Variants in ERICH1 observed in about 807,000 individuals in gnomAD.
ERICH1 encodes the protein glutamate-rich protein 1.
Under a neutral mutation model 39.6 loss-of-function variants are expected in ERICH1, and 56 were observed. The ratio of observed to expected loss-of-function variants is 1.41; its 90% confidence interval spans 1.14 to 1.77. The LOEUF (loss-of-function observed/expected upper bound fraction) is 1.77, where lower values mean the gene tolerates loss of function less well. Among genes scored for constraint, ERICH1 ranks in the 40% most tolerant of loss-of-function variants. The pLI, the probability that ERICH1 is intolerant of heterozygous loss-of-function variation, is 0.00. For missense variants in ERICH1, 826 were observed against 575.4 expected, an observed-to-expected ratio of 1.44 and a Z score of -4.45; for synonymous variants, 313 against 223.6, an observed-to-expected ratio of 1.40 and a Z score of -3.57.
chr8:693,704 C>T (rs1330863013), intron 2 of ERICH1, among the ~76,000 whole-genome samples: 2 of 152,026 alleles, frequency 1.3e-5, no homozygotes, highest in African/African-American at 4.8e-5. Context: ...GAAGTCATCA[C>T]CACCGTGGAC....
Position 673,749 on chromosome 8 carries a change from G to T in ERICH1, c.603C>A (p.Gly201=). Residue 201 remains glycine (G), a synonymous_variant, in exon 4 of 6, where the codon GGC becomes GGA. Transcript: ENST00000262109. Reference sequence around the variant, plus strand: ...CATCCTCCTCACAAGCCTCTCCCACGCCTTCCCCTTCATTGCTGCTGTCCT... The same window carrying T: ...CATCCTCCTCACAAGCCTCTCCCACTCCTTCCCCTTCATTGCTGCTGTCCT... ...QPEDSSNEGE[G]VGEACEEDGV... 3 of 1,614,114 alleles carry T rather than the reference G, an allele frequency of 1.9e-6. No homozygotes were observed. The highest frequency in any genetic ancestry group is 1.6e-4 in the Middle Eastern group (1 of 6,062).
At chr8:624,088 G>A (rs1012915519) in intron 3 of ERICH1, among the ~76,000 whole-genome samples, 2 of 152,172 alleles carry the variant, frequency 1.3e-5, no homozygotes, top group Non-Finnish European at 2.9e-5. Flanking sequence ...TGAAGGATTT[G>A]AATAGACATG....
intron 3 of ERICH1, among the ~76,000 whole-genome samples, chr8:652,374 C>A (rs1669723): frequency 0.7 from 106,154 of 152,126 alleles, 37,639 homozygotes; most frequent in East Asian, 0.9. Flanking sequence ...AGGCTCGCAA[C>A]CAAATGCAGA....
chr8:655,479 T>C (rs771949107), intron 3 of ERICH1, among the ~76,000 whole-genome samples: 1 of 152,240 alleles, frequency 6.6e-6, no homozygotes, highest in Non-Finnish European at 1.5e-5. Flanking sequence ...TTCTGGACGA[T>C]GGTGCACCAG....
Position 636,338 on chromosome 8 carries a change from G to C in ERICH1, c.977-21054C>G, listed in dbSNP as rs557281062. On this transcript the variant is annotated intron_variant, in intron 3 of 3. Transcript: ENST00000522706. The stretch of plus-strand genomic sequence containing the variant: ...CCACAACCAGGGAGCCAAGGCCTCG[G>C]ATGTGTGGAAATCATTGATGGTTTC... Among the ~76,000 whole-genome samples, 6 of 152,354 alleles carry C rather than the reference G, an allele frequency of 3.9e-5. No individual in the cohort carries two copies. The South Asian group carries it at 8.3e-4, about 21-fold the overall frequency.
intron 2 of ERICH1, among the ~76,000 whole-genome samples, chr8:704,051 T>G (rs1258248433): frequency 6.6e-6 from 1 of 152,196 alleles, no homozygotes. Context: ...TGATGGCAAC[T>G]GCCTTCTCAC....
intron 2 of ERICH1, among the ~76,000 whole-genome samples, chr8:693,827 T>A (rs1809521210): frequency 6.6e-6 from 1 of 151,144 alleles, no homozygotes. Context: ...CGTCCCCTGC[T>A]GCACGCCCCT....
At chr8:629,707 C>T (rs1408362502) in intron 3 of ERICH1, among the ~76,000 whole-genome samples, 1 of 146,384 alleles carries the variant, frequency 6.8e-6, no homozygotes, top group Non-Finnish European at 1.5e-5. Flanking sequence ...TGACCACCCA[C>T]ACAGACAGAG....
At chr8:720,758 A>G (rs888927630) in intron 1 of ERICH1, among the ~76,000 whole-genome samples, 3 of 152,154 alleles carry the variant, frequency 2.0e-5, no homozygotes, top group African/African-American at 4.8e-5. Flanking sequence ...ATGAATCCCT[A>G]TGGCTGAAGG....
rs1271925478 is a variant in ERICH1, at chr8:650,821, AC to A, written c.976+17776del. The stretch of plus-strand genomic sequence containing the variant: ...AAAGCCAGAGCAAGGGGCTGCAGCC[AC>A]CGCAGGAGGCTTCAACGATTCATGG... On this transcript the variant is annotated intron_variant, in intron 3 of 3. Transcript: ENST00000522706. Among the ~76,000 whole-genome samples the A allele has an allele frequency of 2.0e-5, 3 of 152,370 alleles. No individual in the cohort carries two copies. In the East Asian group the frequency reaches 5.8e-4, roughly 29 times the overall value.
downstream of ERICH1, among the ~76,000 whole-genome samples, chr8:663,210 G>A (rs1045363164): frequency 6.6e-6 from 1 of 152,248 alleles, no homozygotes; most frequent in Admixed American, 6.5e-5. Context: ...GAGGGAAGTG[G>A]CAGGACAGGG....
At chr8:671,147 T>C (rs1344717071) in intron 4 of ERICH1, among the ~76,000 whole-genome samples, 2 of 147,312 alleles carry the variant, frequency 1.4e-5, no homozygotes, top group African/African-American at 5.1e-5. Flanking sequence ...CAGCCCCGGT[T>C]CTAATGTCTG....
downstream of ERICH1, among the ~76,000 whole-genome samples, chr8:661,749 G>A (rs560176910): frequency 3.5e-4 from 53 of 152,322 alleles, 1 homozygote; most frequent in African/African-American, 1.2e-3. Context: ...TACACAAAAC[G>A]AATTAACCCT....
At chr8:621,829 C>A (rs533706932) in intron 3 of ERICH1, among the ~76,000 whole-genome samples, 1 of 152,108 alleles carries the variant, frequency 6.6e-6, no homozygotes, top group Non-Finnish European at 1.5e-5. Context: ...TATGAGCCAA[C>A]AAAGTTAAAT....
At chr8:618,836 C>T (rs551853193) in intron 3 of ERICH1, among the ~76,000 whole-genome samples, 2 of 152,162 alleles carry the variant, frequency 1.3e-5, no homozygotes, top group African/African-American at 2.4e-5. Context: ...AACGCCTGAC[C>T]GAGTTGGAGA....
chr8:712,146 T>A (rs181893681), intron 2 of ERICH1, among the ~76,000 whole-genome samples: 15 of 152,346 alleles, frequency 9.8e-5, no homozygotes, highest in African/African-American at 3.1e-4. Flanking sequence ...TGCGTCTCCA[T>A]CTAAACTTTA....
At position 673,765 on chromosome 8, in the gene ERICH1, C is replaced by G; in HGVS notation, c.587G>C (p.Ser196Thr). Residue 196 changes from serine to threonine, a missense_variant, in exon 4 of 6, where the codon AGC (serine) becomes ACC (threonine). Ser to Thr is a moderately conservative substitution (Grantham distance 58). Coordinates refer to ENST00000262109, the MANE Select transcript of ERICH1 (RefSeq NM_207332.3). ...CTCTCCCACGCCTTCCCCTTCATTG[C>G]TGCTGTCCTCGGGCTGGTACATGAA... ...VSFMYQPEDS[S>T]NEGEGVGEAC... is the part of the protein sequence containing the mutation. 1 of 1,614,158 alleles carries G rather than the reference C, an allele frequency of 6.2e-7. No individual in the cohort carries two copies. Among genetic ancestry groups the G allele is most frequent in the Non-Finnish European group, 8.5e-7 (1 of 1,180,036 alleles).
chr8:726,323 G>A (rs1467369514), intron 1 of ERICH1, among the ~76,000 whole-genome samples: 3 of 151,832 alleles, frequency 2.0e-5, no homozygotes, highest in Non-Finnish European at 2.9e-5. Context: ...ACGCAGACAC[G>A]TGTATGCAGG....
At chr8:656,957 A>G in intron 3 of ERICH1, 1 of 634,034 alleles carries the variant, frequency 1.6e-6, no homozygotes. Context: ...TTTAGTGCAA[A>G]ATAATTTTTA....
Sources: allele counts gnomAD v4.1 joint callset (sites outside exome capture counted in the v4.1 genomes callset), GRCh38; gene constraint gnomAD v4.1.1; transcripts MANE v1.5; gene names NCBI Gene and HGNC (gene_info 2026-07-23, HGNC 2026-07-21).